The following RNFT2 variants were observed in gnomAD, a reference collection of about 807,000 sequenced individuals.
The protein encoded by RNFT2 is ring finger protein, transmembrane 2, also known as E3 ubiquitin-protein ligase RNFT2.
A neutral mutation model predicts 53.0 loss-of-function variants in RNFT2; 36 were observed. That is an observed-to-expected ratio of 0.68 (90% CI 0.52 to 0.90). The LOEUF (loss-of-function observed/expected upper bound fraction) is 0.90, where lower values mean the gene tolerates loss of function less well. RNFT2 is among the 40% of genes least tolerant of loss of function. The pLI is 0.00. For missense variants in RNFT2, 514 were observed against 585.6 expected (o/e 0.88, Z 1.26); for synonymous variants, 260 against 253.2 (o/e 1.03, Z -0.26).
At chr12:116,848,753 G>A (rs1877744581) in intron 10 of RNFT2, among the ~76,000 whole-genome samples, 1 of 152,028 alleles carries the variant, frequency 6.6e-6, no homozygotes, top group Non-Finnish European at 1.5e-5. Context: ...CCGTAAAGTT[G>A]TCCTTAACGT....
At chr12:116,807,075 C>T (rs1203405569) in intron 7 of RNFT2, among the ~76,000 whole-genome samples, 1 of 152,168 alleles carries the variant, frequency 6.6e-6, no homozygotes, top group Admixed American at 6.5e-5. Flanking sequence ...TGGGGAGTGT[C>T]ATCTTGTGGC....
chr12:116,753,893 AG>A, intron 4 of RNFT2, 90 bp from the exon 5 acceptor site: 1 of 922,594 alleles, frequency 1.1e-6, no homozygotes. Context: ...TGAGGGGACC[AG>A]GGATGTGCCT....
chr12:116,772,699 A>G (rs1873256471), intron 6 of RNFT2, among the ~76,000 whole-genome samples: 1 of 152,246 alleles, frequency 6.6e-6, no homozygotes, highest in Non-Finnish European at 1.5e-5. Flanking sequence ...CAACTCTGCT[A>G]ACATTTTTCT....
At chr12:116,827,231 A>AAAAAAG (rs995513686) in intron 7 of RNFT2, among the ~76,000 whole-genome samples, 5 of 147,648 alleles carry the variant, frequency 3.4e-5, no homozygotes, top group East Asian at 1.9e-4. Flanking sequence ...AAAAAAAAAA[A>AAAAAAG]AAAGAAAGAA....
intron 7 of RNFT2, among the ~76,000 whole-genome samples, chr12:116,827,815 C>A (rs1339443900): frequency 6.6e-6 from 1 of 152,236 alleles, no homozygotes; most frequent in South Asian, 2.1e-4. Context: ...GCCCAGAAAC[C>A]AGCCTGCAGC....
intron 7 of RNFT2, among the ~76,000 whole-genome samples, chr12:116,791,916 AAGT>A (rs1874251707): frequency 6.6e-6 from 1 of 152,184 alleles, no homozygotes; most frequent in Non-Finnish European, 1.5e-5. Context: ...GAGGCTAAGA[AAGT>A]AGCCCAAAGC....
chr12:116,770,486 T>C (rs921565476), intron 6 of RNFT2, among the ~76,000 whole-genome samples: 2 of 152,216 alleles, frequency 1.3e-5, no homozygotes, highest in African/African-American at 4.8e-5. Context: ...TATGACTGTA[T>C]TTGATTTTTC....
At chr12:116,740,317 G>A in intron 1 of RNFT2, 28 bp from the exon 2 acceptor site, 2 of 606,770 alleles carry the variant, frequency 3.3e-6, no homozygotes, top group African/African-American at 1.8e-5. Context: ...CGCAGGGACT[G>A]TTCATCCAGG....
chr12:116,828,300 CAGG>C (rs1362580347), intron 7 of RNFT2, among the ~76,000 whole-genome samples: 2 of 152,200 alleles, frequency 1.3e-5, no homozygotes, highest in East Asian at 3.8e-4. Flanking sequence ...GATTCTATTT[CAGG>C]AGGTCTGGGG....
chr12:116,754,852 ATTTG>A (rs1311399366), intron 5 of RNFT2, among the ~76,000 whole-genome samples: 1 of 151,354 alleles, frequency 6.6e-6, no homozygotes, highest in Non-Finnish European at 1.5e-5. Context: ...TTTCTTACTG[ATTTG>A]TTTGAGTTTG....
intron 7 of RNFT2, among the ~76,000 whole-genome samples, chr12:116,793,704 A>G (rs772112829): frequency 9.9e-5 from 15 of 152,042 alleles, no homozygotes; most frequent in Non-Finnish European, 1.9e-4. Context: ...GGATGTTTCC[A>G]TGGCTGTCTC....
At chr12:116,755,669 TG>T (rs1243371680) in intron 5 of RNFT2, 12 of 1,451,456 alleles carry the variant, frequency 8.3e-6, no homozygotes, top group Non-Finnish European at 1.1e-5. Flanking sequence ...AACAGCATGC[TG>T]GGTAACATTG....
chr12:116,744,658 C>G (rs1871811679), intron 3 of RNFT2, among the ~76,000 whole-genome samples: 1 of 152,220 alleles, frequency 6.6e-6, no homozygotes, highest in African/African-American at 2.4e-5. Flanking sequence ...GCCTCAAGCT[C>G]TGGCGCTTAA....
intron 7 of RNFT2, among the ~76,000 whole-genome samples, chr12:116,796,098 G>C (rs950723237): frequency 1.7e-4 from 26 of 152,094 alleles, no homozygotes; most frequent in African/African-American, 5.5e-4. Context: ...TAGTAGAGAA[G>C]GGTTTTCACC....
At chr12:116,841,822 TA>T (rs1877292988) in intron 10 of RNFT2, among the ~76,000 whole-genome samples, 6 of 41,886 alleles carry the variant, frequency 1.4e-4, no homozygotes, top group African/African-American at 6.0e-4. Flanking sequence ...TATATAAAAA[TA>T]TATATATATA....
rs778898908 is a variant in RNFT2 at position 116,766,849 on chromosome 12, G to A, written c.663G>A (p.Leu221=). The A allele has an allele frequency of 6.9e-6, 11 of 1,598,694 alleles. No homozygotes were observed. The South Asian group carries it at 1.3e-4, about 18-fold the overall frequency. The change falls in exon 6 of 11, where the codon CTG becomes CTA. Residue 221 remains leucine (L), a synonymous_variant. Transcript: ENST00000257575. ...KRSVLVILWI[L]AFLAGNTLYV... is the part of the protein sequence containing the mutation. ...CAGTGCTGGTCATCTTGTGGATCCT[G>A]GCCTTTCTGGCGGGGAACACCCTCT...
intron 5 of RNFT2, among the ~76,000 whole-genome samples, 184 bp from the exon 6 acceptor site, chr12:116,766,630 C>A (rs1872925098): frequency 6.6e-6 from 1 of 152,190 alleles, no homozygotes; most frequent in African/African-American, 2.4e-5. Context: ...CATTCTGCCA[C>A]CTTCTCCGTG....
intron 5 of RNFT2, among the ~76,000 whole-genome samples, chr12:116,760,672 C>T (rs1872660661): frequency 6.6e-6 from 1 of 152,168 alleles, no homozygotes; most frequent in Admixed American, 6.5e-5. Context: ...GCAGTTGGGG[C>T]ATTCGCAGTT....
At chr12:116,808,831 G>A (rs924073) in intron 7 of RNFT2, among the ~76,000 whole-genome samples, 2 of 151,926 alleles carry the variant, frequency 1.3e-5, no homozygotes, top group African/African-American at 2.4e-5. Flanking sequence ...CTTGCTCCCC[G>A]TCCTGTGCTC....
Sources: allele counts gnomAD v4.1 joint callset (sites outside exome capture counted in the v4.1 genomes callset), GRCh38; gene constraint gnomAD v4.1.1; transcripts MANE v1.5; gene names NCBI Gene and HGNC (gene_info 2026-07-23, HGNC 2026-07-21).